The following ITGA9 variants were observed in gnomAD, a reference collection of about 807,000 sequenced individuals.
ITGA9 encodes integrin alpha-9.
Under a neutral mutation model 127.8 loss-of-function variants are expected in ITGA9, and 56 were observed. That is an observed-to-expected ratio of 0.44 (90% CI 0.35 to 0.55). The LOEUF is 0.55. ITGA9 is among the 20% of genes least tolerant of loss of function. The pLI is 0.00. For missense variants in ITGA9, 1,196 were observed against 1,347.1 expected (o/e 0.89, Z 1.76); for synonymous variants, 508 against 514.5 (o/e 0.99, Z 0.17).
chr3:37,554,797 A>G (rs1292454546), intron 15 of ITGA9, among the ~76,000 whole-genome samples: 1 of 152,190 alleles, frequency 6.6e-6, no homozygotes, highest in Non-Finnish European at 1.5e-5. Flanking sequence ...TGGAGTTGTC[A>G]CTGGTGGTGT....
intron 8 of ITGA9, among the ~76,000 whole-genome samples, chr3:37,512,448 G>A (rs534198805): frequency 6.6e-6 from 1 of 151,762 alleles, no homozygotes; most frequent in East Asian, 1.9e-4. Flanking sequence ...TCGAACTCCT[G>A]GCCTTGTGAT....
At chr3:37,801,533 A>G (rs746665548) in intron 26 of ITGA9, among the ~76,000 whole-genome samples, 4 of 151,270 alleles carry the variant, frequency 2.6e-5, no homozygotes, top group Non-Finnish European at 4.4e-5. Flanking sequence ...GCACTTTGGG[A>G]GCTGAGGCAC....
chr3:37,474,491 G>A (rs1237022247), intron 3 of ITGA9, among the ~76,000 whole-genome samples: 2 of 152,190 alleles, frequency 1.3e-5, no homozygotes, highest in South Asian at 2.1e-4. Context: ...TTTCTATGAG[G>A]TATAATACTA....
At chr3:37,715,526 G>T (rs1279141637) in intron 18 of ITGA9, among the ~76,000 whole-genome samples, 1 of 152,240 alleles carries the variant, frequency 6.6e-6, no homozygotes, top group Admixed American at 6.5e-5. Flanking sequence ...GGTTTGGACA[G>T]TGTGAGAGGC....
intron 26 of ITGA9, among the ~76,000 whole-genome samples, chr3:37,786,256 A>G (rs981066507): frequency 4.6e-5 from 7 of 152,310 alleles, no homozygotes; most frequent in African/African-American, 1.7e-4. Flanking sequence ...TTGTTAATTT[A>G]CTCTCTGACA....
chr3:37,652,128 A>G (rs1361881332), intron 16 of ITGA9, among the ~76,000 whole-genome samples: 1 of 103,262 alleles, frequency 9.7e-6, no homozygotes, highest in Non-Finnish European at 2.4e-5. Flanking sequence ...TCTTGAAGGA[A>G]AAAAAAAAAA....
At chr3:37,474,333 T>A (rs912038523) in intron 3 of ITGA9, among the ~76,000 whole-genome samples, 2 of 152,204 alleles carry the variant, frequency 1.3e-5, no homozygotes, top group Non-Finnish European at 2.9e-5. Flanking sequence ...TTTAAGTGGC[T>A]CAATAATCAC....
chr3:37,459,022 G>A (rs1486678754), intron 1 of ITGA9, among the ~76,000 whole-genome samples: 3 of 152,200 alleles, frequency 2.0e-5, no homozygotes, highest in Non-Finnish European at 2.9e-5. Context: ...CTAGGAAGCC[G>A]ATGTAAGTCC....
At chr3:37,683,811 T>C in intron 17 of ITGA9, 54 bp from the exon 18 acceptor site, 1 of 1,501,552 alleles carries the variant, frequency 6.7e-7, no homozygotes, top group Non-Finnish European at 9.2e-7. Flanking sequence ...CTGTGCCTCA[T>C]GTTATATTAG....
At chr3:37,619,599 T>G (rs1303834132) in intron 15 of ITGA9, among the ~76,000 whole-genome samples, 4 of 152,232 alleles carry the variant, frequency 2.6e-5, no homozygotes, top group Non-Finnish European at 5.9e-5. Context: ...ATTAGTTTTC[T>G]AGGCCACTTC....
chr3:37,704,946 G>A (rs2125674848), intron 18 of ITGA9, among the ~76,000 whole-genome samples: 1 of 152,322 alleles, frequency 6.6e-6, no homozygotes, highest in Non-Finnish European at 1.5e-5. Flanking sequence ...GAGACTGAAT[G>A]AATAACAGGA....
At chr3:37,585,502 T>C (rs1575158206) in intron 15 of ITGA9, 1 of 454,986 alleles carries the variant, frequency 2.2e-6, no homozygotes, top group African/African-American at 2.1e-5. Flanking sequence ...TTACTTTTCT[T>C]CTTTGGGATT....
chr3:37,745,261 A>G (rs560080035), intron 22 of ITGA9, among the ~76,000 whole-genome samples: 296 of 152,324 alleles, frequency 1.9e-3, no homozygotes, highest in Non-Finnish European at 3.5e-3. Context: ...CTGCGAAACC[A>G]TGATACATAA....
rs542136087 is a variant in ITGA9, at chr3:37,566,744, CT to C, written c.1689+24160del. Among the ~76,000 whole-genome samples the C allele has an allele frequency of 3.0e-3, 463 of 152,298 alleles. 2 individuals carry two copies. Among genetic ancestry groups the C allele is most frequent in the African/African-American group, 0.01 (419 of 41,556 alleles). On this transcript the variant is annotated intron_variant, in intron 15 of 27. Transcript: ENST00000264741. ...TGATCATCTTGTTCTTTGGAATTGA[CT>C]GTCTCATGAAATAGTGAGTTTCTTG...
chr3:37,616,653 T>C (rs1700077680), intron 15 of ITGA9, among the ~76,000 whole-genome samples: 1 of 152,204 alleles, frequency 6.6e-6, no homozygotes, highest in Non-Finnish European at 1.5e-5. Flanking sequence ...TGCTCCTGTA[T>C]TGGGTGCATA....
At chr3:37,460,359 T>G (rs1196865463) in intron 1 of ITGA9, among the ~76,000 whole-genome samples, 1 of 152,172 alleles carries the variant, frequency 6.6e-6, no homozygotes, top group Non-Finnish European at 1.5e-5. Flanking sequence ...TGAGTAAGAA[T>G]GAGTAAGAAC....
chr3:37,496,984 C>G (rs1698737598), intron 5 of ITGA9, among the ~76,000 whole-genome samples: 1 of 152,240 alleles, frequency 6.6e-6, no homozygotes, highest in African/African-American at 2.4e-5. Flanking sequence ...GCTTCTGTCT[C>G]TATCTTCTCT....
rs1267840167 is a variant in ITGA9 at position 37,597,897 on chromosome 3, G to T, written c.1690-31290G>T. On this transcript the variant is annotated intron_variant, in intron 15 of 27. Coordinates refer to ENST00000264741, the MANE Select transcript of ITGA9 (RefSeq NM_002207.3). This position sits in a 1 kb window ranked among gnomAD's most constrained non-coding sequence, Gnocchi z 4.6. ...CTGGGGCAACTCAGCACCGCTCCAT[G>T]CATATCTCACTGTCCAACAGGCCAG... is the stretch of plus-strand genomic sequence containing the variant. Among the ~76,000 whole-genome samples, 4 of 152,208 alleles carry T rather than the reference G, an allele frequency of 2.6e-5. No homozygotes were observed. The highest frequency in any genetic ancestry group is 5.9e-5 in the Non-Finnish European group (4 of 68,030).
chr3:37,709,651 G>C (rs1438251009), intron 18 of ITGA9, among the ~76,000 whole-genome samples: 2 of 152,256 alleles, frequency 1.3e-5, no homozygotes, highest in East Asian at 3.8e-4. Context: ...GGTGGACTGA[G>C]CAGACGCCTG....
Sources: allele counts gnomAD v4.1 joint callset (sites outside exome capture counted in the v4.1 genomes callset), GRCh38; gene constraint gnomAD v4.1.1; non-coding constraint Gnocchi (gnomAD v3.1); transcripts MANE v1.5; gene names NCBI Gene and HGNC (gene_info 2026-07-23, HGNC 2026-07-21).